GAB2: variants seen among roughly 807,000 people sequenced by gnomAD.
GAB2 encodes the protein GRB2-associated-binding protein 2.
A neutral mutation model predicts 65.5 loss-of-function variants in GAB2; 26 were observed. That is an observed-to-expected ratio of 0.40 (90% CI 0.29 to 0.55). The LOEUF (loss-of-function observed/expected upper bound fraction) is 0.55, where lower values mean the gene tolerates loss of function less well. GAB2 is among the 20% of genes least tolerant of loss of function. The pLI, the probability that GAB2 is intolerant of heterozygous loss-of-function variation, is 0.53. For missense variants in GAB2, 884 were observed against 875.8 expected (o/e 1.01, Z -0.12); for synonymous variants, 321 against 329.6 (o/e 0.97, Z 0.28).
At chr11:78,233,220 A>T (rs1284673367) in intron 3 of GAB2, among the ~76,000 whole-genome samples, 32 of 152,008 alleles carry the variant, frequency 2.1e-4, no homozygotes, top group Admixed American at 2.0e-3. Flanking sequence ...TTTTTGGTAG[A>T]GATGGGGTGT....
intron 1 of GAB2, among the ~76,000 whole-genome samples, chr11:78,334,043 T>G (rs1397086213): frequency 1.3e-5 from 2 of 152,184 alleles, no homozygotes; most frequent in African/African-American, 4.8e-5. Flanking sequence ...TTCATCTCCT[T>G]TTGGTTCCTT....
At chr11:78,332,403 G>A (rs985723909) in intron 1 of GAB2, among the ~76,000 whole-genome samples, 4 of 152,104 alleles carry the variant, frequency 2.6e-5, no homozygotes, top group Non-Finnish European at 4.4e-5. Flanking sequence ...AGGGTACCTG[G>A]TATGATTTAA....
intron 1 of GAB2, among the ~76,000 whole-genome samples, chr11:78,413,150 C>T (rs1157106306): frequency 6.6e-6 from 1 of 152,106 alleles, no homozygotes; most frequent in Non-Finnish European, 1.5e-5. Context: ...TAGAGATGCC[C>T]AGTTAACAGT....
chr11:78,343,378 A>AGGAGAGAG (rs902376032), intron 1 of GAB2, among the ~76,000 whole-genome samples: 1 of 116,366 alleles, frequency 8.6e-6, no homozygotes, highest in African/African-American at 3.3e-5. Context: ...AGGGGAGGGA[A>AGGAGAGAG]GGAGAGAGGG....
intron 3 of GAB2, among the ~76,000 whole-genome samples, chr11:78,239,695 T>C (rs1411804945): frequency 1.3e-5 from 2 of 152,126 alleles, no homozygotes; most frequent in Admixed American, 6.5e-5. Flanking sequence ...CGAAGTTCTT[T>C]TGGTGAGAAG....
intron 1 of GAB2, among the ~76,000 whole-genome samples, chr11:78,317,704 C>T (rs182276663): frequency 5.9e-5 from 9 of 152,118 alleles, no homozygotes; most frequent in African/African-American, 2.2e-4. Context: ...AATCTTTGCT[C>T]CTTCCTTTCC....
intron 3 of GAB2, among the ~76,000 whole-genome samples, chr11:78,245,178 T>C (rs568905076): frequency 9.2e-5 from 14 of 152,258 alleles, no homozygotes; most frequent in South Asian, 8.3e-4. Flanking sequence ...TGGGGAGTTG[T>C]TGAATGGTTA....
At chr11:78,275,951 T>C (rs1011787454) in intron 2 of GAB2, among the ~76,000 whole-genome samples, 1 of 151,410 alleles carries the variant, frequency 6.6e-6, no homozygotes, top group African/African-American at 2.4e-5. Context: ...CTGTCTCTAT[T>C]AAAAATACAA....
chr11:78,328,255 G>T (rs1321307005), intron 1 of GAB2, among the ~76,000 whole-genome samples: 1 of 152,170 alleles, frequency 6.6e-6, no homozygotes, highest in Non-Finnish European at 1.5e-5. Context: ...TCCTGTTGCA[G>T]GGCATTTACT....
intron 1 of GAB2, among the ~76,000 whole-genome samples, chr11:78,310,137 C>T (rs1274621128): frequency 1.3e-5 from 2 of 151,962 alleles, no homozygotes; most frequent in Admixed American, 6.6e-5. Context: ...AATTTCAATA[C>T]ACGCCTCTGA....
intron 8 of GAB2, 107 bp downstream of exon 8, chr11:78,221,570 G>C: frequency 1.7e-6 from 1 of 596,012 alleles, no homozygotes; most frequent in South Asian, 2.4e-5. Context: ...AATAATACAA[G>C]GAGTCCCTGG....
In GAB2 at chr11:78,417,744, C is replaced by A. The variant is rs376502758; in HGVS notation, c.-24G>T. On this transcript the variant is annotated 5_prime_UTR_variant, in exon 1 of 10. Transcript: ENST00000361507. ...ATGCTGCCGGCCTGGAGCCCCCCGC[C>A]GGGTCGCGCGGACGAGGGCGCGGGC... The A allele has an allele frequency of 4.1e-6, 5 of 1,218,270 alleles. No homozygotes were observed. In the South Asian group the frequency reaches 1.0e-4, roughly 25 times the overall value. The allele number at this position is 1,218,270 out of a possible 1,614,324, so 75.5% of individuals were successfully genotyped here.
In GAB2 at chr11:78,255,276, C is replaced by G. The variant is rs558170602; in HGVS notation, c.377-4876G>C. ...TCTCCTTAGAGCACCCAGAAGGAACCAATACCACCAATGCCTTAATTTTGG... is the reference window on the plus strand; with the variant it reads ...TCTCCTTAGAGCACCCAGAAGGAACGAATACCACCAATGCCTTAATTTTGG... On this transcript the variant is annotated intron_variant, in intron 2 of 9. Coordinates refer to ENST00000361507, the MANE Select transcript of GAB2 (RefSeq NM_080491.3). Among the ~76,000 whole-genome samples the G allele has an allele frequency of 1.6e-4, 24 of 152,198 alleles. No individual in the cohort carries two copies. The South Asian group carries it at 4.6e-3, about 29-fold the overall frequency.
intron 1 of GAB2, among the ~76,000 whole-genome samples, chr11:78,294,709 C>G (rs1383566509): frequency 1.3e-5 from 2 of 152,066 alleles, no homozygotes. Context: ...AAACTGGATC[C>G]CTTCCTTACA....
At chr11:78,313,010 T>TA (rs1331382179) in intron 1 of GAB2, among the ~76,000 whole-genome samples, 1 of 152,178 alleles carries the variant, frequency 6.6e-6, no homozygotes, top group African/African-American at 2.4e-5. Flanking sequence ...TGTTAATTCT[T>TA]AGAGAATCTC....
chr11:78,304,076 G>C (rs1855296973), intron 1 of GAB2, among the ~76,000 whole-genome samples: 2 of 151,520 alleles, frequency 1.3e-5, no homozygotes, highest in Non-Finnish European at 2.9e-5. Context: ...ACAGGTATAG[G>C]GCTCTTCAGA....
At chr11:78,410,472 C>T (rs1216583912) in intron 1 of GAB2, among the ~76,000 whole-genome samples, 1 of 152,118 alleles carries the variant, frequency 6.6e-6, no homozygotes, top group African/African-American at 2.4e-5. Context: ...CCATTGCACT[C>T]CACCCCAGGT....
intron 1 of GAB2, among the ~76,000 whole-genome samples, chr11:78,404,089 G>T (rs1857008818): frequency 6.6e-6 from 1 of 152,140 alleles, no homozygotes; most frequent in Non-Finnish European, 1.5e-5. Context: ...ATATGATCTA[G>T]CAATCCCACT....
chr11:78,220,892 T>C (rs1435051350), intron 8 of GAB2, among the ~76,000 whole-genome samples: 1 of 152,194 alleles, frequency 6.6e-6, no homozygotes, highest in Non-Finnish European at 1.5e-5. Context: ...CTGGAAAGTT[T>C]TCTTCTGTCG....
Sources: gnomAD v4.1 joint callset for allele counts (sites outside exome capture counted in the v4.1 genomes callset) on GRCh38, gnomAD v4.1.1 for gene constraint, MANE v1.5 for transcripts, NCBI Gene and HGNC (gene_info 2026-07-23, HGNC 2026-07-21) for gene names.